The following XXYLT1 variants were observed in gnomAD, a reference collection of about 807,000 sequenced individuals.
The protein encoded by XXYLT1 is xyloside xylosyltransferase 1.
Under a neutral mutation model 28.9 loss-of-function variants are expected in XXYLT1, and 20 were observed. The ratio of observed to expected loss-of-function variants is 0.69; its 90% CI spans 0.49 to 1.00. The LOEUF (loss-of-function observed/expected upper bound fraction) is 1.00. Ranked by LOEUF, XXYLT1 falls within the 50% of genes least tolerant of loss-of-function variation. The pLI is 0.00. For synonymous variants in XXYLT1, 257 were observed against 253.8 expected (o/e 1.01, Z -0.12); for missense variants, 542 against 560.1 (o/e 0.97, Z 0.33).
intron 2 of XXYLT1, among the ~76,000 whole-genome samples, chr3:195,157,760 T>TG (rs968078156): frequency 6.6e-6 from 1 of 152,102 alleles, no homozygotes; most frequent in African/African-American, 2.4e-5. Context: ...AGGGGGCGCA[T>TG]GGGGTTCAAT....
chr3:195,265,697 T>TAA (rs1350790871), intron 1 of XXYLT1, among the ~76,000 whole-genome samples: 7 of 152,114 alleles, frequency 4.6e-5, no homozygotes, highest in Non-Finnish European at 4.4e-5. Context: ...CCCGAAACAA[T>TAA]ACACACAGCA....
At chr3:195,101,151 A>G (rs1157502305) in intron 3 of XXYLT1, among the ~76,000 whole-genome samples, 2 of 152,270 alleles carry the variant, frequency 1.3e-5, no homozygotes, top group African/African-American at 2.4e-5. Flanking sequence ...TGACAAGTAC[A>G]TAATATGTCA....
chr3:195,254,077 A>G (rs1725383115), intron 1 of XXYLT1, among the ~76,000 whole-genome samples: 1 of 152,164 alleles, frequency 6.6e-6, no homozygotes, highest in Non-Finnish European at 1.5e-5. Context: ...TCACATTTCC[A>G]GGCTGGAACA....
chr3:195,076,590 G>C lies in XXYLT1; in HGVS notation c.786-6479C>G, dbSNP rs1298220904. On this transcript the variant is annotated intron_variant, in intron 3 of 3. Coordinates refer to ENST00000310380, the MANE Select transcript of XXYLT1 (RefSeq NM_152531.5). This position sits in a 1 kb window ranked among gnomAD's most constrained non-coding sequence, Gnocchi z 5.3. ...TGCCATCGCAAAGTACCACCAATGG[G>C]GCGGCTTCAGCAGCAGAAAGGTGCT... 6.6e-6 allele frequency among the ~76,000 whole-genome samples: 1 copy of C among 152,166 alleles called. No individual in the cohort carries two copies. Among genetic ancestry groups the C allele is most frequent in the Non-Finnish European group, 1.5e-5 (1 of 68,036 alleles).
intron 3 of XXYLT1, among the ~76,000 whole-genome samples, chr3:195,128,386 T>C (rs1718742677): frequency 6.6e-6 from 1 of 152,138 alleles, no homozygotes; most frequent in Non-Finnish European, 1.5e-5. Flanking sequence ...GCCCCAGGTA[T>C]TCATGTTTTC....
intron 3 of XXYLT1, among the ~76,000 whole-genome samples, chr3:195,139,546 G>A (rs1462237405): frequency 1.3e-5 from 2 of 152,238 alleles, no homozygotes; most frequent in East Asian, 3.8e-4. Flanking sequence ...CATGGGGCCA[G>A]CCCTCTAGGC....
chr3:195,176,371 G>C lies in XXYLT1; in HGVS notation c.653-19790C>G, dbSNP rs894713385. On this transcript the variant is annotated intron_variant, in intron 2 of 3. Transcript: ENST00000310380. The surrounding 1 kb of genome is among the most constrained non-coding windows in gnomAD (Gnocchi z 4.9). ...GCATATTATAATCCTGGGTAGAGGA[G>C]GGGTGTGTAGAATGCTTAAATCCCC... 6.6e-6 allele frequency among the ~76,000 whole-genome samples: 1 copy of C among 152,218 alleles called. No individual in the cohort carries two copies. Among genetic ancestry groups the C allele is most frequent in the Non-Finnish European group, 1.5e-5 (1 of 68,044 alleles).
chr3:195,084,509 C>A (rs1715615229), intron 3 of XXYLT1, among the ~76,000 whole-genome samples: 1 of 152,224 alleles, frequency 6.6e-6, no homozygotes, highest in African/African-American at 2.4e-5. Flanking sequence ...CTGCCTGCAG[C>A]CTTTCCCACC....
chr3:195,147,276 A>C (rs1421031310), intron 3 of XXYLT1, among the ~76,000 whole-genome samples: 2 of 152,144 alleles, frequency 1.3e-5, no homozygotes, highest in Non-Finnish European at 2.9e-5. Context: ...GCCAAATAAA[A>C]AACTGAGAAT....
intron 2 of XXYLT1, chr3:195,207,446 A>G (rs1313004848): frequency 2.2e-6 from 1 of 456,512 alleles, no homozygotes. Flanking sequence ...GGACCGACAG[A>G]CAGGCCTTCT....
At chr3:195,167,436 C>T (rs1721184047) in intron 2 of XXYLT1, among the ~76,000 whole-genome samples, 1 of 152,038 alleles carries the variant, frequency 6.6e-6, no homozygotes, top group African/African-American at 2.4e-5. Flanking sequence ...ACTAAAAATA[C>T]AAAAATTAGC....
intron 2 of XXYLT1, among the ~76,000 whole-genome samples, chr3:195,165,163 A>G (rs1002126484): frequency 1.3e-5 from 2 of 152,038 alleles, no homozygotes; most frequent in African/African-American, 4.8e-5. Context: ...TGAACAATGA[A>G]TCCGCCACTC....
intron 1 of XXYLT1, among the ~76,000 whole-genome samples, chr3:195,263,403 T>C (rs908717013): frequency 6.6e-6 from 1 of 152,178 alleles, no homozygotes; most frequent in Admixed American, 6.5e-5. Context: ...TTTTATGAGC[T>C]GATGAAGTCA....
In XXYLT1 at chr3:195,078,036, G is replaced by A. The variant is rs1478644512; in HGVS notation, c.786-7925C>T. ...GGAGGGGCAAGGGACAGAGATGAGGGGGAAGAGGCAGTGGAGGGGCTTTAA... is the reference window on the plus strand; with the variant it reads ...GGAGGGGCAAGGGACAGAGATGAGGAGGAAGAGGCAGTGGAGGGGCTTTAA... On this transcript the variant is annotated intron_variant, in intron 3 of 3. Transcript: ENST00000310380. This position sits in a 1 kb window ranked among gnomAD's most constrained non-coding sequence, Gnocchi z 5.0. Among the ~76,000 whole-genome samples, 7 of 152,176 alleles carry A rather than the reference G, an allele frequency of 4.6e-5. No homozygotes were observed. Among genetic ancestry groups the A allele is most frequent in the Non-Finnish European group, 4.4e-5 (3 of 68,032 alleles).
intron 2 of XXYLT1, among the ~76,000 whole-genome samples, chr3:195,219,404 G>A (rs1279444965): frequency 6.6e-6 from 1 of 152,064 alleles, no homozygotes; most frequent in Non-Finnish European, 1.5e-5. Flanking sequence ...TTTTACTTAA[G>A]GAAAAAAGAA....
rs1724744927 is a variant in XXYLT1, at chr3:195,240,857, C to T, written c.505-14001G>A. 1.3e-5 allele frequency among the ~76,000 whole-genome samples: 2 copies of T among 152,202 alleles called. No homozygotes were observed. Among genetic ancestry groups the T allele is most frequent in the African/African-American group, 4.8e-5 (2 of 41,462 alleles). On this transcript the variant is annotated intron_variant, in intron 1 of 3. Coordinates refer to ENST00000310380, the MANE Select transcript of XXYLT1 (RefSeq NM_152531.5). This position sits in a 1 kb window ranked among gnomAD's most constrained non-coding sequence, Gnocchi z 4.7. ...AGGAGGATCGCTTGAACCTGGGAGG[C>T]GGAGGTTGCAGTGAGCTGAGATTGT...
chr3:195,166,885 G>T (rs572463617), intron 2 of XXYLT1, among the ~76,000 whole-genome samples: 1 of 152,214 alleles, frequency 6.6e-6, no homozygotes, highest in African/African-American at 2.4e-5. Context: ...CACCATGTTG[G>T]CCAGGCTCGT....
chr3:195,227,712 CAG>C (rs1359597079), intron 1 of XXYLT1, among the ~76,000 whole-genome samples: 2 of 152,182 alleles, frequency 1.3e-5, no homozygotes, highest in East Asian at 3.9e-4. Context: ...ATAATAAATG[CAG>C]AGTCAGAACT....
chr3:195,195,584 C>T lies in XXYLT1; in HGVS notation c.652+31125G>A, dbSNP rs1405627952. ...TCTAGATCCCTGGGGAGAGGCTACC[C>T]GTGGTTTGTTGTAAATGAAAGAGAT... On this transcript the variant is annotated intron_variant, in intron 2 of 3. Transcript: ENST00000310380. The surrounding 1 kb of genome is among the most constrained non-coding windows in gnomAD (Gnocchi z 4.4). Among the ~76,000 whole-genome samples the T allele has an allele frequency of 2.0e-5, 3 of 152,208 alleles. No individual in the cohort carries two copies. The highest frequency in any genetic ancestry group is 4.4e-5 in the Non-Finnish European group (3 of 68,036).
Sources: gnomAD v4.1 joint callset for allele counts (sites outside exome capture counted in the v4.1 genomes callset) on GRCh38, gnomAD v4.1.1 for gene constraint, Gnocchi (gnomAD v3.1) non-coding constraint, MANE v1.5 for transcripts, NCBI Gene and HGNC (gene_info 2026-07-23, HGNC 2026-07-21) for gene names.